The following DPP10 variants were observed in gnomAD, a reference collection of about 807,000 sequenced individuals.
DPP10 encodes the protein dipeptidyl peptidase like 10.
DPP10 carries 33 observed loss-of-function variants against 120.9 expected under a neutral mutation model. The observed-to-expected ratio is 0.27, with a 90% CI of 0.21 to 0.37. The LOEUF (loss-of-function observed/expected upper bound fraction) is 0.37, where lower values mean the gene tolerates loss of function less well. Ranked by LOEUF, DPP10 falls within the 10% of genes least tolerant of loss-of-function variation. The pLI is 1.00. For missense variants in DPP10, 816 were observed against 942.8 expected, an observed-to-expected ratio of 0.87 and a Z score of 1.76; for synonymous variants, 337 against 326.1, an observed-to-expected ratio of 1.03 and a Z score of -0.36.
intron 1 of DPP10, among the ~76,000 whole-genome samples, chr2:115,308,181 A>G (rs1463624385): frequency 6.6e-6 from 1 of 152,162 alleles, no homozygotes; most frequent in Admixed American, 6.6e-5. Flanking sequence ...TGTGAGTCAC[A>G]GGAACTCATG....
intron 4 of DPP10, among the ~76,000 whole-genome samples, chr2:115,501,926 A>G (rs1336063076): frequency 2.6e-5 from 4 of 152,082 alleles, no homozygotes; most frequent in Non-Finnish European, 4.4e-5. Flanking sequence ...GCAATTATCA[A>G]TATCTTAATT....
intron 1 of DPP10, among the ~76,000 whole-genome samples, chr2:115,282,925 C>T (rs2060218982): frequency 6.6e-6 from 1 of 151,982 alleles, no homozygotes; most frequent in South Asian, 2.1e-4. Context: ...GTCCCTTTTA[C>T]TGACTGTTTG....
At chr2:114,460,318 A>G (rs934651131) in intron 1 of DPP10, among the ~76,000 whole-genome samples, 2 of 152,176 alleles carry the variant, frequency 1.3e-5, no homozygotes, top group African/African-American at 4.8e-5. Context: ...GTAATGCTCA[A>G]TCCTTTCTTG....
At chr2:115,664,501 A>G (rs984944947) in intron 5 of DPP10, among the ~76,000 whole-genome samples, 1 of 151,536 alleles carries the variant, frequency 6.6e-6, no homozygotes, top group African/African-American at 2.4e-5. Context: ...CCACTTTTTT[A>G]TTGTTCCTAG....
chr2:115,693,719 A>G (rs1487705528), intron 7 of DPP10, among the ~76,000 whole-genome samples: 2 of 152,140 alleles, frequency 1.3e-5, no homozygotes, highest in Non-Finnish European at 2.9e-5. Context: ...TATAAAAATT[A>G]TAGGTTCCCT....
At chr2:114,993,799 G>A (rs1700907946) in intron 1 of DPP10, among the ~76,000 whole-genome samples, 1 of 151,894 alleles carries the variant, frequency 6.6e-6, no homozygotes, top group Non-Finnish European at 1.5e-5. Context: ...ATAGATGTGT[G>A]CACACGAGTC....
chr2:114,537,407 T>A (rs1227309613), intron 1 of DPP10, among the ~76,000 whole-genome samples: 2 of 152,200 alleles, frequency 1.3e-5, no homozygotes, highest in East Asian at 3.9e-4. Flanking sequence ...CTTGTGTGTG[T>A]AAGGAAAATC....
intron 1 of DPP10, among the ~76,000 whole-genome samples, chr2:114,866,777 A>C (rs990324707): frequency 5.9e-5 from 9 of 152,246 alleles, no homozygotes; most frequent in Non-Finnish European, 1.0e-4. Flanking sequence ...AACCTAAAAA[A>C]GTAAGAATAT....
At chr2:115,782,027 T>C (rs1480722119) in intron 16 of DPP10, among the ~76,000 whole-genome samples, 3 of 151,984 alleles carry the variant, frequency 2.0e-5, no homozygotes, top group African/African-American at 7.2e-5. Context: ...GAATCAGCTT[T>C]GTGAACATCA....
At chr2:115,239,823 A>G (rs1008461190) in intron 1 of DPP10, among the ~76,000 whole-genome samples, 1 of 151,726 alleles carries the variant, frequency 6.6e-6, no homozygotes, top group African/African-American at 2.4e-5. Context: ...TCATTGTTCA[A>G]CTCCCACTAA....
Position 115,657,000 on chromosome 2 carries a change from T to C in DPP10, c.442-32687T>C, listed in dbSNP as rs533969361. Among the ~76,000 whole-genome samples the C allele has an allele frequency of 3.0e-3, 452 of 151,796 alleles. 6 individuals are homozygous for C. Among genetic ancestry groups the C allele is most frequent in the South Asian group, 0.014 (66 of 4,824 alleles). ...TCTGAATATCTGATGTGTAACATAG[T>C]ATCTATATTAATAAGACAGTATTGT... On this transcript the variant is annotated intron_variant, in intron 5 of 25. Transcript: ENST00000410059.
At chr2:115,263,179 A>T (rs900917927) in intron 1 of DPP10, among the ~76,000 whole-genome samples, 43 of 152,238 alleles carry the variant, frequency 2.8e-4, no homozygotes, top group African/African-American at 1.0e-3. Context: ...AATTAGGATC[A>T]CAAACATGTG....
chr2:115,498,398 G>A (rs563738694), intron 3 of DPP10, among the ~76,000 whole-genome samples: 14 of 152,092 alleles, frequency 9.2e-5, no homozygotes, highest in South Asian at 4.1e-4. Context: ...ACACCTTTTC[G>A]TGTGTTTTTG....
At chr2:114,881,213 G>A (rs565540649) in intron 1 of DPP10, among the ~76,000 whole-genome samples, 1 of 152,232 alleles carries the variant, frequency 6.6e-6, no homozygotes, top group South Asian at 2.1e-4. Flanking sequence ...TCTTGATAAT[G>A]GGTGATGTGC....
At chr2:114,683,535 C>T (rs1325422369) in intron 1 of DPP10, among the ~76,000 whole-genome samples, 1 of 148,428 alleles carries the variant, frequency 6.7e-6, no homozygotes, top group African/African-American at 2.5e-5. Flanking sequence ...TCCCTTCCTT[C>T]CTTCCTTCCT....
Position 115,753,258 on chromosome 2 carries a change from C to T in DPP10, c.1035C>T (p.Ile345=). 2 of 1,611,472 alleles carry T rather than the reference C, an allele frequency of 1.2e-6. No homozygotes were observed. Among genetic ancestry groups the T allele is most frequent in the Non-Finnish European group, 1.7e-6 (2 of 1,178,266 alleles). Residue 345 remains isoleucine (I), a synonymous_variant, in exon 11 of 26, where the codon ATC becomes ATT. Coordinates refer to ENST00000410059, the MANE Select transcript of DPP10 (RefSeq NM_020868.6). ...TAAACCGAGCTCAGAACATCTCCAT[C>T]CTCACAGTCTGTGAGACCACTACAG... is the stretch of plus-strand genomic sequence containing the variant. ...RWLNRAQNIS[I]LTVCETTTGA...
intron 3 of DPP10, among the ~76,000 whole-genome samples, chr2:115,368,392 T>C (rs2065203609): frequency 6.6e-6 from 1 of 152,140 alleles, no homozygotes; most frequent in Non-Finnish European, 1.5e-5. Flanking sequence ...GGATGTAATA[T>C]ATGTGAACTA....
At chr2:115,766,310 G>GTGTGTGTGTGTATA (rs1371625141) in intron 12 of DPP10, among the ~76,000 whole-genome samples, 41 of 81,738 alleles carry the variant, frequency 5.0e-4, no homozygotes, top group Non-Finnish European at 8.7e-4. Flanking sequence ...GTGTGTGTGT[G>GTGTGTGTGTGTATA]TATATATATA....
chr2:115,658,819 G>T (rs1474144366), intron 5 of DPP10, among the ~76,000 whole-genome samples: 1 of 152,036 alleles, frequency 6.6e-6, no homozygotes, highest in Admixed American at 6.6e-5. Flanking sequence ...GAGACTAAAT[G>T]AAGGGTCCTG....
Sources: allele counts gnomAD v4.1 joint callset (sites outside exome capture counted in the v4.1 genomes callset), GRCh38; gene constraint gnomAD v4.1.1; transcripts MANE v1.5; gene names NCBI Gene and HGNC (gene_info 2026-07-23, HGNC 2026-07-21).